Variants in LRP1B observed in about 807,000 individuals in gnomAD.
The protein encoded by LRP1B is LDL receptor related protein 1B, also known as low-density lipoprotein receptor-related protein 1B.
LRP1B carries 217 observed loss-of-function variants against 556.6 expected under a neutral mutation model. The ratio of observed to expected loss-of-function variants is 0.39; its 90% CI spans 0.35 to 0.44. The LOEUF (loss-of-function observed/expected upper bound fraction) is 0.44, where lower values mean the gene tolerates loss of function less well. LRP1B is among the 20% of genes least tolerant of loss of function. LRP1B has a pLI of 1.00. For missense variants in LRP1B, 5,053 were observed against 5,620.8 expected (o/e 0.90, Z 3.23); for synonymous variants, 2,047 against 1,865.8 (o/e 1.10, Z -2.50).
At chr2:140,373,197 CAA>C (rs1310774909) in intron 68 of LRP1B, 60 bp from the exon 69 acceptor site, 1 of 1,443,608 alleles carries the variant, frequency 6.9e-7, no homozygotes, top group African/African-American at 1.4e-5. Context: ...TCTACACACT[CAA>C]AAGACAAGAA....
intron 32 of LRP1B, among the ~76,000 whole-genome samples, chr2:140,807,791 A>G (rs574526183): frequency 3.2e-4 from 48 of 152,310 alleles, no homozygotes; most frequent in African/African-American, 1.1e-3. Flanking sequence ...AAACTTTTGT[A>G]TTTGCCAGCT....
At chr2:140,512,577 CT>C (rs1689714162) in intron 51 of LRP1B, among the ~76,000 whole-genome samples, 1 of 152,160 alleles carries the variant, frequency 6.6e-6, no homozygotes. Context: ...AGTTAATTAT[CT>C]GAGTGACCTC....
intron 3 of LRP1B, among the ~76,000 whole-genome samples, chr2:141,334,314 C>A (rs1277671793): frequency 6.6e-6 from 1 of 152,202 alleles, no homozygotes; most frequent in Non-Finnish European, 1.5e-5. Flanking sequence ...TGAGTTCCCA[C>A]AAGATACGGT....
At chr2:141,624,053 G>GAA (rs1250538833) in intron 2 of LRP1B, among the ~76,000 whole-genome samples, 5 of 68,048 alleles carry the variant, frequency 7.3e-5, no homozygotes, top group African/African-American at 2.5e-4. Context: ...AAAAAGAAAA[G>GAA]AAAAAAAACA....
chr2:140,400,332 G>C (rs1431931300), intron 66 of LRP1B, among the ~76,000 whole-genome samples: 1 of 152,142 alleles, frequency 6.6e-6, no homozygotes, highest in Non-Finnish European at 1.5e-5. Flanking sequence ...CCTGTCTCTT[G>C]TTTTGGGTAA....
chr2:141,078,847 T>C (rs1266523163), intron 7 of LRP1B, among the ~76,000 whole-genome samples: 1 of 152,164 alleles, frequency 6.6e-6, no homozygotes, highest in Non-Finnish European at 1.5e-5. Flanking sequence ...TTGTAGCAAA[T>C]GAAAATAAAC....
chr2:142,061,590 T>TG (rs1704916505), intron 1 of LRP1B, among the ~76,000 whole-genome samples: 1 of 151,992 alleles, frequency 6.6e-6, no homozygotes, highest in Non-Finnish European at 1.5e-5. Flanking sequence ...TGAGAAACAT[T>TG]ATTCAATGTA....
intron 77 of LRP1B, among the ~76,000 whole-genome samples, chr2:140,344,855 G>A (rs1295898738): frequency 2.0e-5 from 3 of 151,598 alleles, no homozygotes; most frequent in Non-Finnish European, 4.4e-5. Context: ...TCATTATTAA[G>A]AGGGGTGAAG....
At chr2:140,727,517 A>G (rs1687636042) in intron 35 of LRP1B, among the ~76,000 whole-genome samples, 1 of 152,206 alleles carries the variant, frequency 6.6e-6, no homozygotes, top group African/African-American at 2.4e-5. Context: ...GGATTACTTC[A>G]TGGAGGAAGT....
rs901084781 is a variant in LRP1B, at chr2:142,107,993, C to T, written c.82+22655G>A. Reference sequence around the variant, plus strand: ...TATATTATATAATTTTTCATAAGAGCTTATGTCATATATGTTCATAATTTT... The same window carrying T: ...TATATTATATAATTTTTCATAAGAGTTTATGTCATATATGTTCATAATTTT... On this transcript the variant is annotated intron_variant, in intron 1 of 90. Coordinates refer to ENST00000389484, the MANE Select transcript of LRP1B (RefSeq NM_018557.3). 7.3e-5 allele frequency among the ~76,000 whole-genome samples: 11 copies of T among 150,070 alleles called. No homozygotes were observed. The East Asian group carries it at 2.1e-3, about 29-fold the overall frequency.
At chr2:140,275,031 A>AT (rs1682611370) in intron 84 of LRP1B, among the ~76,000 whole-genome samples, 1 of 152,124 alleles carries the variant, frequency 6.6e-6, no homozygotes, top group Admixed American at 6.6e-5. Flanking sequence ...CGCCGAAAGA[A>AT]TGAGGGTCGT....
rs754484858 is a variant in LRP1B, at chr2:140,495,553, T to C, written c.9034+12A>G. 5.1e-6 allele frequency: 8 copies of C among 1,563,802 alleles called. No individual in the cohort carries two copies. Among genetic ancestry groups the C allele is most frequent in the Non-Finnish European group, 4.4e-6 (5 of 1,142,772 alleles). On this transcript the variant is annotated intron_variant, in intron 56 of 90. Coordinates refer to ENST00000389484, the MANE Select transcript of LRP1B (RefSeq NM_018557.3). ...ACTGAGGTTGGATCAGTGGGCAAGT[T>C]CAATTCGATACCTGAGAGCGATTTG...
At chr2:141,120,645 C>G (rs1701025310) in intron 7 of LRP1B, among the ~76,000 whole-genome samples, 1 of 151,900 alleles carries the variant, frequency 6.6e-6, no homozygotes, top group Non-Finnish European at 1.5e-5. Flanking sequence ...TCTGAAGTTT[C>G]TGGTAGTTTT....
At chr2:140,943,108 A>T (rs1297471908) in intron 20 of LRP1B, among the ~76,000 whole-genome samples, 2 of 152,144 alleles carry the variant, frequency 1.3e-5, no homozygotes, top group Non-Finnish European at 2.9e-5. Flanking sequence ...CACAAATGGA[A>T]AACGAAAAAC....
intron 2 of LRP1B, among the ~76,000 whole-genome samples, chr2:141,569,643 A>G (rs116338912): frequency 0.012 from 1,863 of 151,328 alleles, 60 homozygotes; most frequent in African/African-American, 0.042. Context: ...AGTTGGACTC[A>G]GACTCCCTTT....
At chr2:140,249,814 G>C (rs1045681859) in intron 86 of LRP1B, among the ~76,000 whole-genome samples, 1 of 151,704 alleles carries the variant, frequency 6.6e-6, no homozygotes, top group African/African-American at 2.4e-5. Flanking sequence ...TTAAGACCAG[G>C]TATTTTTGTC....
At chr2:141,278,919 T>A (rs2105383417) in intron 3 of LRP1B, among the ~76,000 whole-genome samples, 1 of 152,284 alleles carries the variant, frequency 6.6e-6, no homozygotes, top group South Asian at 2.1e-4. Context: ...ACAGGCAGAA[T>A]ACACAGCCTG....
chr2:141,278,400 A>G (rs1389169573), intron 3 of LRP1B, among the ~76,000 whole-genome samples: 3 of 152,132 alleles, frequency 2.0e-5, no homozygotes, highest in Non-Finnish European at 4.4e-5. Flanking sequence ...TCAGCTGCAG[A>G]AGAAGGCTTT....
intron 43 of LRP1B, among the ~76,000 whole-genome samples, chr2:140,559,200 TTAACTG>T (rs2105072217): frequency 6.6e-6 from 1 of 152,176 alleles, no homozygotes; most frequent in Admixed American, 6.6e-5. Context: ...ACAAGATAAA[TTAACTG>T]TTTTTTTTTA....
Sources: allele counts gnomAD v4.1 joint callset (sites outside exome capture counted in the v4.1 genomes callset), GRCh38; gene constraint gnomAD v4.1.1; transcripts MANE v1.5; gene names NCBI Gene and HGNC (gene_info 2026-07-23, HGNC 2026-07-21).